SVOP: variants seen among roughly 807,000 people sequenced by gnomAD.
SVOP encodes the protein SV2 related protein, also known as synaptic vesicle 2-related protein.
SVOP carries 17 observed loss-of-function variants against 69.1 expected under a neutral mutation model. That is an observed-to-expected ratio of 0.25 (90% CI 0.17 to 0.37). The LOEUF (loss-of-function observed/expected upper bound fraction) is 0.37, where lower values mean the gene tolerates loss of function less well. Ranked by LOEUF, SVOP falls within the 10% of genes least tolerant of loss-of-function variation. The pLI is 1.00. For synonymous variants in SVOP, 238 were observed against 238.6 expected (o/e 1.00, Z 0.02); for missense variants, 435 against 597.5 (o/e 0.73, Z 2.84).
At chr12:108,991,784 CAAAAAA>C (rs369772563) in intron 1 of SVOP, among the ~76,000 whole-genome samples, 2 of 147,770 alleles carry the variant, frequency 1.4e-5, no homozygotes, top group Admixed American at 1.3e-4. Flanking sequence ...CAAAAAAAAA[CAAAAAA>C]AAAAGATTAG....
chr12:109,009,975 A>C (rs1193426625), intron 1 of SVOP, among the ~76,000 whole-genome samples: 1 of 151,978 alleles, frequency 6.6e-6, no homozygotes, highest in African/African-American at 2.4e-5. Flanking sequence ...TAATTACACC[A>C]GCCTGGGCAG....
intron 6 of SVOP, among the ~76,000 whole-genome samples, chr12:108,956,923 G>A (rs1211414380): frequency 6.6e-6 from 1 of 152,226 alleles, no homozygotes; most frequent in Non-Finnish European, 1.5e-5. Context: ...ATGGGGCACT[G>A]TCCTCCAGGA....
Position 108,978,623 on chromosome 12 carries a change from A to C in SVOP, c.237T>G (p.Phe79Leu). ...MVEDAVEAIG[F>L]GKFQWKLSVL... The stretch of plus-strand genomic sequence containing the variant: ...CAGACAGCTTCCACTGAAATTTTCC[A>C]AAGCCAATGGCTTCCACTGCATCTT... The change falls in exon 3 of 16, where the codon TTT becomes TTG. Residue 79 changes from phenylalanine to leucine, a missense_variant. Physicochemically the swap from Phe to Leu is conservative, Grantham distance 22. Transcript: ENST00000610966. 1 of 704,084 alleles carries C rather than the reference A, an allele frequency of 1.4e-6. No homozygotes were observed. Among genetic ancestry groups the C allele is most frequent in the East Asian group, 2.7e-5 (1 of 37,278 alleles). The allele number at this position is 704,084 out of a possible 1,614,324, so 43.6% of individuals were successfully genotyped here.
In SVOP at chr12:108,912,127, C is replaced by A; in HGVS notation, c.*408G>T. 9.9e-7 allele frequency: 1 copy of A among 1,006,110 alleles called. No individual in the cohort carries two copies. Among genetic ancestry groups the A allele is most frequent in the Non-Finnish European group, 1.2e-6 (1 of 832,978 alleles). The allele number at this position is 1,006,110 out of a possible 1,614,324, so 62.3% of individuals were successfully genotyped here. On this transcript the variant is annotated 3_prime_UTR_variant, in exon 16 of 16. Transcript: ENST00000610966. ...GTGGGAGAAACCTACTGAACAGGTCCGGTGGGTGGACAGCAGGTGTCACAT... is the reference window on the plus strand; with the variant it reads ...GTGGGAGAAACCTACTGAACAGGTCAGGTGGGTGGACAGCAGGTGTCACAT...
At chr12:108,988,251 G>A (rs897739048) in intron 1 of SVOP, among the ~76,000 whole-genome samples, 4 of 152,188 alleles carry the variant, frequency 2.6e-5, no homozygotes, top group African/African-American at 7.2e-5. Flanking sequence ...GATGTAGCCC[G>A]ATATATCTAC....
At chr12:108,977,849 A>G (rs1219507796) in intron 3 of SVOP, among the ~76,000 whole-genome samples, 1 of 152,188 alleles carries the variant, frequency 6.6e-6, no homozygotes, top group Admixed American at 6.5e-5. Flanking sequence ...GCAGTTAAAG[A>G]CTAGCTTGTC....
At chr12:108,946,690 T>TTTATTATTATTA (rs370752888) in intron 6 of SVOP, among the ~76,000 whole-genome samples, 78 of 136,518 alleles carry the variant, frequency 5.7e-4, no homozygotes, top group Middle Eastern at 3.6e-3. Flanking sequence ...GCAACCTGTT[T>TTTATTATTATTA]TTATTATTAT....
At chr12:109,004,361 T>C (rs2040291992) in intron 1 of SVOP, among the ~76,000 whole-genome samples, 1 of 151,942 alleles carries the variant, frequency 6.6e-6, no homozygotes, top group South Asian at 2.1e-4. Flanking sequence ...CCATAGAATT[T>C]TCCTCGGTAC....
chr12:108,963,200 C>T (rs2040026779), intron 5 of SVOP, among the ~76,000 whole-genome samples: 1 of 152,114 alleles, frequency 6.6e-6, no homozygotes, highest in Non-Finnish European at 1.5e-5. Context: ...GGTGAGTTCA[C>T]CTTCCTGTCC....
At chr12:108,953,299 C>T (rs930667920) in intron 6 of SVOP, among the ~76,000 whole-genome samples, 1 of 151,972 alleles carries the variant, frequency 6.6e-6, no homozygotes, top group African/African-American at 2.4e-5. Flanking sequence ...CAGGCATGTG[C>T]CACCACGCCC....
At chr12:108,964,897 T>C (rs2040036447) in intron 5 of SVOP, among the ~76,000 whole-genome samples, 1 of 152,242 alleles carries the variant, frequency 6.6e-6, no homozygotes, top group South Asian at 2.1e-4. Context: ...TATGCATTCA[T>C]TAATTTGCTC....
At position 108,909,227 on chromosome 12, in the gene SVOP, T is replaced by C. The variant is rs550303334; in HGVS notation, c.*3308A>G. 3.9e-5 allele frequency: 6 copies of C among 152,326 alleles called. No individual in the cohort carries two copies. Among genetic ancestry groups the C allele is most frequent in the African/African-American group, 1.2e-4 (5 of 41,558 alleles). 9.4% of individuals were successfully genotyped at this position (152,326 alleles called of 1,614,324 possible). On this transcript the variant is annotated 3_prime_UTR_variant, in exon 16 of 16. Transcript: ENST00000610966. ...TTGGTTCTAATGGTTTAAGCCACTA[T>C]TGACTGAGATTACTGTTCTTAGGTT...
intron 1 of SVOP, among the ~76,000 whole-genome samples, chr12:109,004,410 CTTTTT>C (rs34124314): frequency 8.3e-6 from 1 of 120,392 alleles, no homozygotes; most frequent in Admixed American, 9.4e-5. Context: ...GGTATTGCTA[CTTTTT>C]TTTTTTTTTT....
intron 2 of SVOP, among the ~76,000 whole-genome samples, chr12:108,980,648 G>A (rs1160397698): frequency 7.7e-6 from 1 of 129,704 alleles, no homozygotes; most frequent in Non-Finnish European, 1.6e-5. Flanking sequence ...TACTCAGGAG[G>A]CTGAGGCAGG....
intron 5 of SVOP, among the ~76,000 whole-genome samples, chr12:108,967,660 A>G (rs1428382596): frequency 6.6e-6 from 1 of 152,156 alleles, no homozygotes; most frequent in Non-Finnish European, 1.5e-5. Context: ...CAGCACCGCC[A>G]ACATCTTGGA....
intron 12 of SVOP, among the ~76,000 whole-genome samples, chr12:108,920,978 T>C (rs978481007): frequency 6.6e-6 from 1 of 152,326 alleles, no homozygotes; most frequent in South Asian, 2.1e-4. Context: ...ATAGCATTTT[T>C]CCACAGTTAT....
rs183618213 is a variant in SVOP at position 108,965,902 on chromosome 12, T to C, written c.454-4855A>G. Among the ~76,000 whole-genome samples the C allele has an allele frequency of 4.1e-3, 626 of 152,174 alleles. 5 individuals are homozygous for C. Among genetic ancestry groups the C allele is most frequent in the Non-Finnish European group, 6.5e-3 (443 of 67,978 alleles). ...ACCGCTCCATACCATATTCTAAGTG[T>C]ATTATACACTTTTTCCCTCTCTCCC... On this transcript the variant is annotated intron_variant, in intron 5 of 15. Transcript: ENST00000610966.
intron 6 of SVOP, among the ~76,000 whole-genome samples, chr12:108,951,236 A>G (rs557311350): frequency 1.3e-5 from 2 of 152,152 alleles, no homozygotes; most frequent in Non-Finnish European, 2.9e-5. Flanking sequence ...AGCAGCTAAA[A>G]CACAAGTAGG....
intron 1 of SVOP, among the ~76,000 whole-genome samples, chr12:108,994,445 G>C (rs893010869): frequency 2.0e-5 from 3 of 152,202 alleles, no homozygotes; most frequent in Non-Finnish European, 4.4e-5. Context: ...AGTGAGCTGA[G>C]ATCACGCCAC....
Sources: gnomAD v4.1 joint callset for allele counts (sites outside exome capture counted in the v4.1 genomes callset) on GRCh38, gnomAD v4.1.1 for gene constraint, MANE v1.5 for transcripts, NCBI Gene and HGNC (gene_info 2026-07-23, HGNC 2026-07-21) for gene names.